ANKRD33B: variants seen among roughly 807,000 people sequenced by gnomAD.
The protein encoded by ANKRD33B is ankyrin repeat domain-containing protein 33B.
Under a neutral mutation model 21.5 loss-of-function variants are expected in ANKRD33B, and 6 were observed. That is an observed-to-expected ratio of 0.28 (90% CI 0.15 to 0.55). The LOEUF (loss-of-function observed/expected upper bound fraction) is 0.55. Ranked by LOEUF, ANKRD33B falls within the 20% of genes least tolerant of loss-of-function variation. The probability of loss-of-function intolerance (pLI) is 0.94; values close to 1 mark genes in which losing one functional copy is unlikely to be tolerated. For synonymous variants in ANKRD33B, 347 were observed against 342.4 expected, an observed-to-expected ratio of 1.01 and a Z score of -0.15; for missense variants, 698 against 747.2, an observed-to-expected ratio of 0.93 and a Z score of 0.77.
intron 1 of ANKRD33B, among the ~76,000 whole-genome samples, chr5:10,590,589 T>TGCGCGCGCGC (rs34685376): frequency 2.0e-5 from 3 of 150,316 alleles, no homozygotes; most frequent in African/African-American, 7.3e-5. Flanking sequence ...TATTTTGAGA[T>TGCGCGCGCGC]GCGCGCGCGC....
At chr5:10,601,185 G>A (rs2126568439) in intron 1 of ANKRD33B, among the ~76,000 whole-genome samples, 1 of 152,238 alleles carries the variant, frequency 6.6e-6, no homozygotes, top group South Asian at 2.1e-4. Flanking sequence ...AATGTGGCAA[G>A]GCTGTCTCCT....
rs913258126 is a variant in ANKRD33B at position 10,650,392 on chromosome 5, T to A, written c.*279T>A. 13 of 263,594 alleles carry A rather than the reference T, an allele frequency of 4.9e-5. No homozygotes were observed. Among genetic ancestry groups the A allele is most frequent in the Admixed American group, 1.1e-4 (2 of 18,404 alleles). 16.3% of individuals were successfully genotyped at this position (263,594 alleles called of 1,614,324 possible). A position where few individuals can be genotyped will look rare whatever the true frequency, so the allele number is the denominator to read the frequency against. ...AGAGAACCTCAATTAAGATTTTTTT[T>A]AAAGATCAATTTATCAAAGGGCGTT... On this transcript the variant is annotated 3_prime_UTR_variant, in exon 4 of 4. Coordinates refer to ENST00000296657, the MANE Select transcript of ANKRD33B (RefSeq NM_001164440.2).
At position 10,569,930 on chromosome 5, in the gene ANKRD33B, G is replaced by A. The variant is rs182595455; in HGVS notation, c.366+5097G>A. Among the ~76,000 whole-genome samples, 3 of 152,300 alleles carry A rather than the reference G, an allele frequency of 2.0e-5. No homozygotes were observed. The East Asian group carries it at 5.8e-4, about 29-fold the overall frequency. On this transcript the variant is annotated intron_variant, in intron 1 of 3. Transcript: ENST00000296657. ...CTCGCTCTGTCACCCAGTCTAGAGTGCAGTGGTGTGATATCAGCTCACTGC... is the reference window on the plus strand; with the variant it reads ...CTCGCTCTGTCACCCAGTCTAGAGTACAGTGGTGTGATATCAGCTCACTGC...
rs533964053 is a variant in ANKRD33B, at chr5:10,653,915, C to T, written c.*3802C>T. 2.6e-5 allele frequency: 4 copies of T among 152,548 alleles called. No individual in the cohort carries two copies. Among genetic ancestry groups the T allele is most frequent in the South Asian group, 4.1e-4 (2 of 4,830 alleles). 9.4% of individuals were successfully genotyped at this position (152,548 alleles called of 1,614,324 possible). On this transcript the variant is annotated 3_prime_UTR_variant, in exon 4 of 4. Coordinates refer to ENST00000296657, the MANE Select transcript of ANKRD33B (RefSeq NM_001164440.2). Reference sequence around the variant, plus strand: ...CAGGGAGGAGGGGACCGATGAGCACCGACCCCTTCTCTTCACCTGTCAGTG... The same window carrying T: ...CAGGGAGGAGGGGACCGATGAGCACTGACCCCTTCTCTTCACCTGTCAGTG...
At chr5:10,630,708 T>G (rs917082091) in intron 2 of ANKRD33B, among the ~76,000 whole-genome samples, 1 of 152,008 alleles carries the variant, frequency 6.6e-6, no homozygotes, top group African/African-American at 2.4e-5. Flanking sequence ...GACAGTTATG[T>G]AGAAATATAG....
At chr5:10,613,990 C>CGTGTGTGTGTGTGTGT (rs59864065) in intron 1 of ANKRD33B, among the ~76,000 whole-genome samples, 166 of 141,374 alleles carry the variant, frequency 1.2e-3, no homozygotes, top group African/African-American at 3.0e-3. Context: ...CCAGAGAAAT[C>CGTGTGTGTGTGTGTGT]GTGTGTGTGT....
intron 1 of ANKRD33B, among the ~76,000 whole-genome samples, chr5:10,617,126 A>G (rs949638468): frequency 6.6e-6 from 1 of 152,228 alleles, no homozygotes; most frequent in African/African-American, 2.4e-5. Context: ...TCACCCCACC[A>G]AAGCCCCACT....
In ANKRD33B at chr5:10,564,800, C is replaced by G. The variant is rs1425450727; in HGVS notation, c.333C>G (p.Val111=). 6.6e-7 allele frequency: 1 copy of G among 1,521,320 alleles called. No homozygotes were observed. Among genetic ancestry groups the G allele is most frequent in the Non-Finnish European group, 8.8e-7 (1 of 1,137,476 alleles). The allele number at this position is 1,521,320 out of a possible 1,614,324, so 94.2% of individuals were successfully genotyped here. The change falls in exon 1 of 4, where the codon GTC becomes GTG. Residue 111 remains valine, a synonymous_variant. Transcript: ENST00000296657. The part of the protein sequence containing the change: ...LRTLVRRGVS[V]EEAQETDRNG... ...CGCTGGTGCGGCGCGGGGTGAGCGT[C>G]GAGGAGGCGCAGGAGACTGACCGCA... is the stretch of plus-strand genomic sequence containing the variant.
Position 10,655,250 on chromosome 5 carries a change from G to A in ANKRD33B, c.*5137G>A, listed in dbSNP as rs1737455910. On this transcript the variant is annotated 3_prime_UTR_variant, in exon 4 of 4. Transcript: ENST00000296657. ...TGTTGTGAGTGAAACAGAAGCCCCT[G>A]GCATAGGGCCAGACCCTAGGCCTGA... 1.3e-5 allele frequency: 2 copies of A among 150,946 alleles called. No homozygotes were observed. 9.4% of individuals were successfully genotyped at this position (150,946 alleles called of 1,614,324 possible).
Position 10,652,834 on chromosome 5 carries a change from CA to C in ANKRD33B, c.*2725del. On this transcript the variant is annotated 3_prime_UTR_variant, in exon 4 of 4. Transcript: ENST00000296657. The surrounding 1 kb of genome is among the most constrained non-coding windows in gnomAD (Gnocchi z 4.1). ...TGTCCAGTGATGCTCCTGGTGTCCA[CA>C]AAACAGCTCTAGAGATACCTGCATT... is the stretch of plus-strand genomic sequence containing the variant. 1 of 294,382 alleles carries C rather than the reference CA, an allele frequency of 3.4e-6. No individual in the cohort carries two copies. Among genetic ancestry groups the C allele is most frequent in the Non-Finnish European group, 7.1e-6 (1 of 141,600 alleles). 18.2% of individuals were successfully genotyped at this position (294,382 alleles called of 1,614,324 possible). A position where few individuals can be genotyped will look rare whatever the true frequency, so the allele number is the denominator to read the frequency against.
chr5:10,641,527 C>G (rs528978742), intron 3 of ANKRD33B, among the ~76,000 whole-genome samples: 1 of 152,166 alleles, frequency 6.6e-6, no homozygotes, highest in African/African-American at 2.4e-5. Flanking sequence ...CCGCGCCCTG[C>G]CCCTCATCTT....
intron 1 of ANKRD33B, among the ~76,000 whole-genome samples, chr5:10,586,664 A>G (rs545907551): frequency 6.6e-6 from 1 of 152,270 alleles, no homozygotes; most frequent in African/African-American, 2.4e-5. Context: ...GCAATTTAGG[A>G]AATTGCTCTT....
intron 1 of ANKRD33B, among the ~76,000 whole-genome samples, chr5:10,573,686 C>T (rs566128988): frequency 2.0e-5 from 3 of 152,244 alleles, no homozygotes; most frequent in African/African-American, 7.2e-5. Flanking sequence ...TGTCTTACTA[C>T]ATGGCGGCAT....
chr5:10,605,507 G>A (rs1736027843), intron 1 of ANKRD33B, among the ~76,000 whole-genome samples: 1 of 151,706 alleles, frequency 6.6e-6, no homozygotes, highest in Admixed American at 6.6e-5. Context: ...CTTTCTCATT[G>A]AGTTTCTTTC....
intron 2 of ANKRD33B, among the ~76,000 whole-genome samples, chr5:10,628,532 G>A (rs1225421423): frequency 6.6e-6 from 1 of 152,116 alleles, no homozygotes; most frequent in Non-Finnish European, 1.5e-5. Flanking sequence ...TGTTGCCCAG[G>A]CTTGTATCTA....
At chr5:10,594,221 C>CTTTTTTT (rs10658307) in intron 1 of ANKRD33B, among the ~76,000 whole-genome samples, 19 of 83,162 alleles carry the variant, frequency 2.3e-4, no homozygotes, top group East Asian at 3.6e-4. Flanking sequence ...ACACATCCTT[C>CTTTTTTT]TTTTTTTTTT....
At chr5:10,604,339 G>A (rs1212979462) in intron 1 of ANKRD33B, among the ~76,000 whole-genome samples, 1 of 150,902 alleles carries the variant, frequency 6.6e-6, no homozygotes, top group Non-Finnish European at 1.5e-5. Context: ...CCACAGATAT[G>A]CGCCACCGCA....
chr5:10,616,825 A>C (rs1736295444), intron 1 of ANKRD33B, among the ~76,000 whole-genome samples: 1 of 152,240 alleles, frequency 6.6e-6, no homozygotes, highest in Non-Finnish European at 1.5e-5. Context: ...GGGTTGCTGC[A>C]ACAAAGCACC....
chr5:10,598,987 C>A (rs1375774289), intron 1 of ANKRD33B, among the ~76,000 whole-genome samples: 1 of 152,192 alleles, frequency 6.6e-6, no homozygotes, highest in African/African-American at 2.4e-5. Flanking sequence ...AATATATACA[C>A]CTGTGCAGTC....
Sources: gnomAD v4.1 joint callset for allele counts (sites outside exome capture counted in the v4.1 genomes callset) on GRCh38, gnomAD v4.1.1 for gene constraint, Gnocchi (gnomAD v3.1) non-coding constraint, MANE v1.5 for transcripts, NCBI Gene and HGNC (gene_info 2026-07-23, HGNC 2026-07-21) for gene names.